Variants in OSBPL6 observed in about 807,000 individuals in gnomAD.
The protein encoded by OSBPL6 is oxysterol-binding protein-related protein 6.
OSBPL6 carries 49 observed loss-of-function variants against 125.8 expected under a neutral mutation model. The ratio of observed to expected loss-of-function variants is 0.39; its 90% CI spans 0.31 to 0.49. The LOEUF is 0.49. Among genes scored for constraint, OSBPL6 ranks in the 20% least tolerant of loss-of-function variants. The pLI is 0.88. For missense variants in OSBPL6, 986 were observed against 1,135.4 expected, an observed-to-expected ratio of 0.87 and a Z score of 1.89; for synonymous variants, 394 against 391.8, an observed-to-expected ratio of 1.01 and a Z score of -0.07.
In OSBPL6 at chr2:178,394,291, A is replaced by G. The variant is rs879024931; in HGVS notation, c.2574-22A>G. 3 of 1,603,754 alleles carry G rather than the reference A, an allele frequency of 1.9e-6. No individual in the cohort carries two copies. In the South Asian group the frequency reaches 3.4e-5, roughly 18 times the overall value. On this transcript the variant is annotated intron_variant, in intron 23 of 24. Transcript: ENST00000190611. The stretch of plus-strand genomic sequence containing the variant: ...CCAGAAAAGAGGATAATATGTTAAA[A>G]TATCAACTGCTTTCTGCTTAGATTT...
intron 21 of OSBPL6, among the ~76,000 whole-genome samples, chr2:178,389,757 GTGTT>G (rs1463829530): frequency 2.0e-5 from 3 of 152,112 alleles, no homozygotes; most frequent in African/African-American, 7.2e-5. Flanking sequence ...TATCACTGCC[GTGTT>G]TGTTTGGATG....
rs71393413 is a variant in OSBPL6 at position 178,263,806 on chromosome 2, C to CGTGTGTGTGTGT, written c.-350-21101_-350-21090dup. Among the ~76,000 whole-genome samples, 6 of 147,904 alleles carry CGTGTGTGTGTGT rather than the reference C, an allele frequency of 4.1e-5. No homozygotes were observed. The South Asian group carries it at 8.7e-4, about 22-fold the overall frequency. On this transcript the variant is annotated intron_variant, in intron 1 of 24. Coordinates refer to ENST00000190611, the MANE Select transcript of OSBPL6 (RefSeq NM_032523.4). Reference sequence around the variant, plus strand: ...CGGCAGAGACACTCAACTGTGTACACGTGTGTGTGTGTGTGTGTGTGTGTG... The same window carrying CGTGTGTGTGTGT: ...CGGCAGAGACACTCAACTGTGTACACGTGTGTGTGTGTGTGTGTGTGTGTGTGTGTGTGTGTG...
At position 178,337,787 on chromosome 2, in the gene OSBPL6, G is replaced by C. The variant is rs1461390515; in HGVS notation, c.791-1204G>C. Among the ~76,000 whole-genome samples the C allele has an allele frequency of 3.3e-5, 5 of 152,192 alleles. No homozygotes were observed. The East Asian group carries it at 9.6e-4, about 29-fold the overall frequency. On this transcript the variant is annotated intron_variant, in intron 9 of 24. Transcript: ENST00000190611. ...TTCATTCTGTTAGAAAAAGGGTGAT[G>C]GTTTTCAGCCCCAATTCCAGATTTC...
chr2:178,253,143 TC>T (rs2091759434), intron 1 of OSBPL6, among the ~76,000 whole-genome samples: 1 of 151,638 alleles, frequency 6.6e-6, no homozygotes, highest in Non-Finnish European at 1.5e-5. Flanking sequence ...TGCCTCGGCC[TC>T]CTGAGTAGCT....
rs926578888 is a variant in OSBPL6, at chr2:178,398,290, C to T, written c.*2731C>T. ...TTCAGGCCTACTTTCTTGTTTTTTC[C>T]TAAAAGGATCTAGGATAGAGGAGAA... On this transcript the variant is annotated 3_prime_UTR_variant, in exon 25 of 25. Transcript: ENST00000190611. The T allele has an allele frequency of 2.0e-5, 3 of 151,986 alleles. No individual in the cohort carries two copies. 9.4% of individuals were successfully genotyped at this position (151,986 alleles called of 1,614,324 possible).
chr2:178,217,545 C>T (rs761045601), intron 1 of OSBPL6, among the ~76,000 whole-genome samples: 1 of 152,254 alleles, frequency 6.6e-6, no homozygotes, highest in East Asian at 1.9e-4. Flanking sequence ...ACAGCTCTCT[C>T]TATAGAGAAA....
At chr2:178,310,579 G>A (rs532562373) in intron 3 of OSBPL6, among the ~76,000 whole-genome samples, 71 of 151,614 alleles carry the variant, frequency 4.7e-4, no homozygotes, top group African/African-American at 1.6e-3. Context: ...CACCGCACCC[G>A]GCTAATTTTT....
At chr2:178,280,616 C>T (rs1191281304) in intron 1 of OSBPL6, among the ~76,000 whole-genome samples, 1 of 152,166 alleles carries the variant, frequency 6.6e-6, no homozygotes, top group Non-Finnish European at 1.5e-5. Flanking sequence ...TATACACTTT[C>T]GTGCATTTAA....
At chr2:178,261,443 A>G (rs2092061151) in intron 1 of OSBPL6, among the ~76,000 whole-genome samples, 1 of 152,182 alleles carries the variant, frequency 6.6e-6, no homozygotes. Context: ...TAACTAAAAA[A>G]TGATTAGTTA....
intron 1 of OSBPL6, among the ~76,000 whole-genome samples, chr2:178,235,546 A>G (rs1388999562): frequency 1.3e-5 from 2 of 151,678 alleles, no homozygotes; most frequent in Non-Finnish European, 2.9e-5. Context: ...AGCTGGGACT[A>G]CAGGCATGTG....
intron 15 of OSBPL6, 59 bp downstream of exon 15, chr2:178,374,086 G>A (rs909404196): frequency 8.9e-6 from 14 of 1,565,476 alleles, no homozygotes; most frequent in Non-Finnish European, 1.2e-5. Context: ...TTGAGTTAAA[G>A]AACATAAAAC....
chr2:178,196,135 C>T (rs1449499111), intron 1 of OSBPL6, among the ~76,000 whole-genome samples: 2 of 151,786 alleles, frequency 1.3e-5, no homozygotes, highest in African/African-American at 4.8e-5. Context: ...AAACAGAAGA[C>T]CTCGCAGTAA....
At chr2:178,323,520 T>C (rs1688431130) in intron 3 of OSBPL6, 1 of 152,180 alleles carries the variant, frequency 6.6e-6, no homozygotes, top group African/African-American at 2.4e-5. Flanking sequence ...CTAGAGTGCA[T>C]TGTGCAATCT....
chr2:178,282,755 G>A (rs146272758), intron 1 of OSBPL6, among the ~76,000 whole-genome samples: 9 of 152,244 alleles, frequency 5.9e-5, no homozygotes, highest in African/African-American at 1.2e-4. Context: ...GGTTTCAAGC[G>A]ATTCTCCTGC....
At chr2:178,340,930 A>G (rs1369759235) in intron 11 of OSBPL6, among the ~76,000 whole-genome samples, 1 of 150,222 alleles carries the variant, frequency 6.7e-6, no homozygotes, top group Admixed American at 6.6e-5. Flanking sequence ...TTCAATAAAC[A>G]CAACTTTTTG....
At chr2:178,340,434 A>G (rs1213310759) in intron 11 of OSBPL6, among the ~76,000 whole-genome samples, 1 of 152,144 alleles carries the variant, frequency 6.6e-6, no homozygotes, top group Admixed American at 6.5e-5. Context: ...AGCTTGTAAT[A>G]AATGTACTTG....
chr2:178,338,883 A>G (rs1024518896), intron 9 of OSBPL6, 108 bp from the exon 10 acceptor site: 2 of 691,126 alleles, frequency 2.9e-6, no homozygotes, highest in East Asian at 2.8e-5. Flanking sequence ...TCATATAAAC[A>G]TGGATCTGCC....
intron 2 of OSBPL6, among the ~76,000 whole-genome samples, chr2:178,289,899 T>G (rs1442025966): frequency 6.6e-6 from 1 of 152,192 alleles, no homozygotes; most frequent in Non-Finnish European, 1.5e-5. Context: ...CTAACTATTC[T>G]GGCAAGAATT....
intron 1 of OSBPL6, among the ~76,000 whole-genome samples, chr2:178,204,647 G>A (rs1013660046): frequency 3.9e-5 from 6 of 152,212 alleles, no homozygotes; most frequent in Non-Finnish European, 8.8e-5. Flanking sequence ...GATAAATTCA[G>A]TCCTTCATCT....
Sources: allele counts gnomAD v4.1 joint callset (sites outside exome capture counted in the v4.1 genomes callset), GRCh38; gene constraint gnomAD v4.1.1; transcripts MANE v1.5; gene names NCBI Gene and HGNC (gene_info 2026-07-23, HGNC 2026-07-21).